The following MAP4K5 variants were observed in gnomAD, a reference collection of about 807,000 sequenced individuals.
MAP4K5 encodes mitogen-activated protein kinase kinase kinase kinase 5.
Under a neutral mutation model 135.6 loss-of-function variants are expected in MAP4K5, and 82 were observed. The observed-to-expected ratio is 0.60, with a 90% confidence interval of 0.51 to 0.73. MAP4K5 has a LOEUF of 0.73. Ranked by LOEUF, MAP4K5 falls within the 30% of genes least tolerant of loss-of-function variation. The probability of loss-of-function intolerance (pLI) is 0.00; values close to 1 mark genes in which losing one functional copy is unlikely to be tolerated. For missense variants in MAP4K5, 907 were observed against 1,010.9 expected (o/e 0.90, Z 1.39); for synonymous variants, 347 against 335.0 (o/e 1.04, Z -0.39).
chr14:50,445,158 C>T lies in MAP4K5; in HGVS notation c.1222G>A (p.Asp408Asn). ...TTTATGGTTGATGCTTTTTCTTCAT[C>T]CGGAAAGTTGTCTTCAGGGTAACTG... The part of the protein sequence containing the change: ...ISSYPEDNFP[D>N]EEKASTIKHC... The change falls in exon 18 of 33, where the codon GAT becomes AAT. Residue 408 changes from aspartate to asparagine, a missense_variant. Transcript: ENST00000682126. The T allele has an allele frequency of 6.2e-7, 1 of 1,613,464 alleles. No individual in the cohort carries two copies. The highest frequency in any genetic ancestry group is 1.3e-5 in the African/African-American group (1 of 75,028).
At chr14:50,441,535 T>C (rs367864594) in intron 21 of MAP4K5, among the ~76,000 whole-genome samples, 3 of 151,972 alleles carry the variant, frequency 2.0e-5, no homozygotes, top group African/African-American at 7.3e-5. Context: ...CATCAGAAGT[T>C]GAGGAATTGT....
chr14:50,426,657 G>A (rs2035854086), intron 30 of MAP4K5, among the ~76,000 whole-genome samples: 1 of 152,216 alleles, frequency 6.6e-6, no homozygotes, highest in Non-Finnish European at 1.5e-5. Context: ...CCCACAGGTG[G>A]AGGCTGCAGT....
At chr14:50,459,693 CTTT>C (rs2036666999) in intron 13 of MAP4K5, among the ~76,000 whole-genome samples, 2 of 143,450 alleles carry the variant, frequency 1.4e-5, no homozygotes, top group Admixed American at 7.0e-5. Context: ...ACTTTTCTTT[CTTT>C]CTCTTTTTTT....
chr14:50,517,159 T>TC (rs2038050651), intron 2 of MAP4K5, among the ~76,000 whole-genome samples: 1 of 151,860 alleles, frequency 6.6e-6, no homozygotes, highest in East Asian at 1.9e-4. Flanking sequence ...ATACTTTTTT[T>TC]TTTTTTTTTT....
chr14:50,513,030 T>C (rs941303991), intron 2 of MAP4K5, among the ~76,000 whole-genome samples: 9 of 152,178 alleles, frequency 5.9e-5, no homozygotes, highest in South Asian at 2.1e-4. Flanking sequence ...ACTTAAGATA[T>C]ACTAAACACC....
intron 1 of MAP4K5, among the ~76,000 whole-genome samples, chr14:50,545,954 C>A (rs765962675): frequency 6.6e-6 from 1 of 152,166 alleles, no homozygotes; most frequent in Admixed American, 6.5e-5. Flanking sequence ...CTGAAGCTCT[C>A]TATTTCTCTC....
chr14:50,534,021 A>G (rs2038459370), upstream of MAP4K5, among the ~76,000 whole-genome samples: 1 of 152,088 alleles, frequency 6.6e-6, no homozygotes, highest in African/African-American at 2.4e-5. Context: ...GATTCTTGGC[A>G]CTTGTTTTGG....
At chr14:50,486,258 G>T (rs1595501197) in intron 3 of MAP4K5, 64 bp from the exon 4 acceptor site, 1 of 600,288 alleles carries the variant, frequency 1.7e-6, no homozygotes, top group Non-Finnish European at 2.9e-6. Flanking sequence ...AAGAAGGAAG[G>T]AAAACTTTAC....
intron 2 of MAP4K5, among the ~76,000 whole-genome samples, chr14:50,529,148 C>T (rs1056877759): frequency 6.6e-6 from 1 of 151,982 alleles, no homozygotes; most frequent in African/African-American, 2.4e-5. Context: ...TTTGGGAGGC[C>T]GAGGCAGGCA....
In MAP4K5 at chr14:50,544,808, G is replaced by A. The variant is rs533860716; in HGVS notation, c.-179-2224C>T. Among the ~76,000 whole-genome samples, 5 of 152,010 alleles carry A rather than the reference G, an allele frequency of 3.3e-5. No homozygotes were observed. In the East Asian group the frequency reaches 9.7e-4, roughly 29 times the overall value. The stretch of plus-strand genomic sequence containing the variant: ...AAAAATTAGCCAGGCATGGTGGCAT[G>A]ACGCTATAAATGCAGCTACTCAGAA... On this transcript the variant is annotated intron_variant, in intron 1 of 8. Transcript: ENST00000555216.
In MAP4K5 at chr14:50,434,844, C is replaced by T. The variant is rs1290277251; in HGVS notation, c.1986+118G>A. The T allele has an allele frequency of 4.6e-6, 3 of 658,914 alleles. No homozygotes were observed. In the Admixed American group the frequency reaches 9.5e-5, roughly 21 times the overall value. The allele number at this position is 658,914 out of a possible 1,614,324, so 40.8% of individuals were successfully genotyped here. Reference sequence around the variant, plus strand: ...AAAAACCTCTAAATCAAATAAACAACTACAAATAACTATAAATGTTCTGAC... The same window carrying T: ...AAAAACCTCTAAATCAAATAAACAATTACAAATAACTATAAATGTTCTGAC... On this transcript the variant is annotated intron_variant, in intron 27 of 32. Transcript: ENST00000682126.
upstream of MAP4K5, chr14:50,533,504 A>C (rs1182187126): frequency 6.6e-6 from 1 of 152,178 alleles, no homozygotes. Flanking sequence ...CGGGGAAGTA[A>C]TTTGGCTGAT....
At chr14:50,432,941 G>A (rs906204963) in intron 28 of MAP4K5, among the ~76,000 whole-genome samples, 8 of 151,988 alleles carry the variant, frequency 5.3e-5, no homozygotes, top group Admixed American at 3.9e-4. Context: ...AGGTTCATGC[G>A]ATTCTCCTGC....
At position 50,491,238 on chromosome 14, in the gene MAP4K5, AGATTT is replaced by A. The variant is rs545021381; in HGVS notation, c.167-5049_167-5045del. 3.7e-4 allele frequency among the ~76,000 whole-genome samples: 56 copies of A among 152,278 alleles called. No homozygotes were observed. The East Asian group carries it at 0.011, about 29-fold the overall frequency. ...TTCCAAAAATATGACAGTAGATCAC[AGATTT>A]AATACTGAGGTAATTAATTCAACCA... On this transcript the variant is annotated intron_variant, in intron 3 of 32. Coordinates refer to ENST00000682126, the MANE Select transcript of MAP4K5 (RefSeq NM_006575.6).
intron 2 of MAP4K5, among the ~76,000 whole-genome samples, chr14:50,509,267 G>A (rs982777138): frequency 2.0e-5 from 3 of 152,216 alleles, no homozygotes; most frequent in Middle Eastern, 3.4e-3. Flanking sequence ...AGCATTAGGA[G>A]AAATACCTAA....
At chr14:50,479,021 T>C (rs2037173653) in intron 6 of MAP4K5, among the ~76,000 whole-genome samples, 1 of 150,154 alleles carries the variant, frequency 6.7e-6, no homozygotes, top group African/African-American at 2.5e-5. Flanking sequence ...TTTTTTTTTG[T>C]TGTTGTTGTT....
In MAP4K5 at chr14:50,510,636, C is replaced by A. The variant is rs184142930; in HGVS notation, c.109-5779G>T. Among the ~76,000 whole-genome samples the A allele has an allele frequency of 1.1e-3, 162 of 152,122 alleles. 1 individual carries two copies. The highest frequency in any genetic ancestry group is 3.7e-3 in the African/African-American group (153 of 41,510). ...ATTTTAAATAGTCTTACTTTTTTCA[C>A]TTATGTTGAGTCATATTATGATGAA... On this transcript the variant is annotated intron_variant, in intron 2 of 32. Coordinates refer to ENST00000682126, the MANE Select transcript of MAP4K5 (RefSeq NM_006575.6).
At chr14:50,482,259 A>G in intron 6 of MAP4K5, 102 bp downstream of exon 6, 1 of 614,490 alleles carries the variant, frequency 1.6e-6, no homozygotes, top group Non-Finnish European at 2.7e-6. Flanking sequence ...AAGGTAGACT[A>G]TCATTTTATA....
chr14:50,514,106 C>G (rs2037983315), intron 2 of MAP4K5, among the ~76,000 whole-genome samples: 1 of 152,178 alleles, frequency 6.6e-6, no homozygotes, highest in South Asian at 2.1e-4. Context: ...GAGGCCGAGT[C>G]TTGCTCTGTC....
Sources: allele counts gnomAD v4.1 joint callset (sites outside exome capture counted in the v4.1 genomes callset), GRCh38; gene constraint gnomAD v4.1.1; transcripts MANE v1.5; gene names NCBI Gene and HGNC (gene_info 2026-07-23, HGNC 2026-07-21).